RAD51B: variants seen among roughly 807,000 people sequenced by gnomAD.
The protein encoded by RAD51B is RAD51 paralog B.
RAD51B carries 38 observed loss-of-function variants against 42.2 expected under a neutral mutation model. The observed-to-expected ratio is 0.90, with a 90% CI of 0.70 to 1.18. The LOEUF (loss-of-function observed/expected upper bound fraction) is 1.18. RAD51B is among the 50% of genes most tolerant of loss of function. RAD51B has a pLI of 0.00. For synonymous variants in RAD51B, 154 were observed against 145.2 expected, an observed-to-expected ratio of 1.06 and a Z score of -0.43; for missense variants, 373 against 400.7, an observed-to-expected ratio of 0.93 and a Z score of 0.59.
intron 8 of RAD51B, among the ~76,000 whole-genome samples, chr14:68,384,044 CTTT>C (rs2139994756): frequency 6.6e-6 from 1 of 152,328 alleles, no homozygotes; most frequent in South Asian, 2.1e-4. Flanking sequence ...TCACAGGCTT[CTTT>C]GTCAAGATAC....
intron 7 of RAD51B, among the ~76,000 whole-genome samples, chr14:68,107,287 C>A (rs2077391024): frequency 6.6e-6 from 1 of 151,640 alleles, no homozygotes; most frequent in Admixed American, 6.6e-5. Flanking sequence ...ATAAATTGAA[C>A]CCCCAAAAGT....
At chr14:68,173,831 G>T (rs1248518293) in intron 7 of RAD51B, among the ~76,000 whole-genome samples, 3 of 152,142 alleles carry the variant, frequency 2.0e-5, no homozygotes, top group Non-Finnish European at 4.4e-5. Context: ...AAAGTCTTAA[G>T]ATCAGTAAAA....
At chr14:67,988,238 A>G (rs1349859200) in intron 7 of RAD51B, among the ~76,000 whole-genome samples, 1 of 152,108 alleles carries the variant, frequency 6.6e-6, no homozygotes, top group Non-Finnish European at 1.5e-5. Context: ...AGGCGAGCGG[A>G]TCATGAGGTC....
chr14:68,673,908 TAC>T (rs140316753), intron 11 of RAD51B, among the ~76,000 whole-genome samples: 17,881 of 151,012 alleles, frequency 0.12, 1,180 homozygotes, highest in Middle Eastern at 0.19. Flanking sequence ...ACACATACTG[TAC>T]ACACACATAT....
chr14:67,835,168 G>A lies in RAD51B; in HGVS notation c.287G>A (p.Gly96Asp). 3.1e-6 allele frequency: 5 copies of A among 1,613,920 alleles called. No individual in the cohort carries two copies. Among genetic ancestry groups the A allele is most frequent in the East Asian group, 2.2e-5 (1 of 44,872 alleles). The change falls in exon 4 of 11, where the codon GGT becomes GAT. Residue 96 changes from glycine (G) to aspartate (D), a missense_variant. By Grantham distance (94) the Gly-to-Asp change is moderately conservative (BLOSUM62 -1). Coordinates refer to ENST00000471583, the MANE Select transcript of RAD51B (RefSeq NM_133510.4). ...TCTGCTTTGGACGAAGCCCTGCATG[G>A]TGGTGTGGCTTGTGGATCCCTCACA... ...TLSALDEALH[G>D]GVACGSLTEI...
intron 7 of RAD51B, among the ~76,000 whole-genome samples, chr14:68,139,932 G>A (rs1227578836): frequency 8.5e-5 from 13 of 152,132 alleles, no homozygotes; most frequent in Admixed American, 2.6e-4. Flanking sequence ...AACGTTGAAA[G>A]CCAGGTGACC....
intron 8 of RAD51B, among the ~76,000 whole-genome samples, chr14:68,344,966 A>AC (rs1566822619): frequency 6.6e-6 from 1 of 151,484 alleles, no homozygotes; most frequent in Non-Finnish European, 1.5e-5. Context: ...AAAAAAAAAA[A>AC]ACAACATTTA....
chr14:67,826,234 A>G (rs1041023928), intron 3 of RAD51B, among the ~76,000 whole-genome samples: 1 of 152,104 alleles, frequency 6.6e-6, no homozygotes, highest in African/African-American at 2.4e-5. Flanking sequence ...CCTTTCTTTG[A>G]TATACTGACC....
At chr14:68,317,896 T>A (rs8013472) in intron 8 of RAD51B, among the ~76,000 whole-genome samples, 2,757 of 152,332 alleles carry the variant, frequency 0.018, 78 homozygotes, top group African/African-American at 0.059. Context: ...AATGGATTGA[T>A]ACATATATCA....
At chr14:67,840,524 C>T (rs1245219249) in intron 4 of RAD51B, among the ~76,000 whole-genome samples, 2 of 152,144 alleles carry the variant, frequency 1.3e-5, no homozygotes, top group Middle Eastern at 3.2e-3. Flanking sequence ...TCTTTATCTA[C>T]TCTACCATGG....
chr14:68,455,946 G>A (rs555334105), intron 9 of RAD51B, among the ~76,000 whole-genome samples: 1 of 152,300 alleles, frequency 6.6e-6, no homozygotes, highest in Non-Finnish European at 1.5e-5. Context: ...GAAGAGAATA[G>A]AGCTATATTG....
intron 8 of RAD51B, among the ~76,000 whole-genome samples, chr14:68,345,617 C>T (rs907292669): frequency 1.3e-5 from 2 of 152,012 alleles, no homozygotes; most frequent in Non-Finnish European, 1.5e-5. Context: ...GTAGAGCCTG[C>T]AGAGCTGTGA....
intron 7 of RAD51B, among the ~76,000 whole-genome samples, chr14:67,930,851 A>T (rs1214969664): frequency 6.6e-6 from 1 of 150,666 alleles, no homozygotes; most frequent in Non-Finnish European, 1.5e-5. Context: ...CCCATATATC[A>T]TGACGACTTT....
chr14:67,990,695 G>T (rs10140282), intron 7 of RAD51B, among the ~76,000 whole-genome samples: 41,803 of 150,620 alleles, frequency 0.28, 7,492 homozygotes, highest in African/African-American at 0.51. Context: ...TAAACAGTGG[G>T]GCTTTGATTT....
intron 9 of RAD51B, among the ~76,000 whole-genome samples, chr14:68,422,355 G>T (rs1158620052): frequency 6.6e-6 from 1 of 152,090 alleles, no homozygotes; most frequent in Non-Finnish European, 1.5e-5. Context: ...GAGGTCAGGA[G>T]TTTGAGCCCA....
intron 7 of RAD51B, among the ~76,000 whole-genome samples, chr14:68,087,663 ATT>A (rs2077005279): frequency 6.6e-6 from 1 of 151,238 alleles, no homozygotes; most frequent in Admixed American, 6.6e-5. Context: ...TTACAGAGTC[ATT>A]TACTCTCTGT....
At chr14:68,532,863 TA>T (rs1254814121) in intron 10 of RAD51B, among the ~76,000 whole-genome samples, 1 of 152,200 alleles carries the variant, frequency 6.6e-6, no homozygotes, top group Non-Finnish European at 1.5e-5. Context: ...AGAAAAAAAT[TA>T]TTTTCTAGAA....
intron 7 of RAD51B, among the ~76,000 whole-genome samples, chr14:67,906,637 C>A (rs990667356): frequency 6.6e-6 from 1 of 151,908 alleles, no homozygotes; most frequent in East Asian, 1.9e-4. Context: ...TTTATATTTT[C>A]AGGAAATTAT....
rs1237878835 is a variant in RAD51B, at chr14:68,072,094, TA to T, written c.756+184892del. The stretch of plus-strand genomic sequence containing the variant: ...AAATATATAAATATATATAAATATA[TA>T]ATATATAAAATATAAAAAATATATA... On this transcript the variant is annotated intron_variant, in intron 7 of 10. Coordinates refer to ENST00000471583, the MANE Select transcript of RAD51B (RefSeq NM_133510.4). 8.6e-4 allele frequency among the ~76,000 whole-genome samples: 114 copies of T among 133,086 alleles called. 3 individuals carry two copies. The highest frequency in any genetic ancestry group is 2.3e-3 in the African/African-American group (76 of 33,050). 87.3% of individuals were successfully genotyped at this position (133,086 alleles called of 152,430 possible).
Sources: allele counts gnomAD v4.1 joint callset (sites outside exome capture counted in the v4.1 genomes callset), GRCh38; gene constraint gnomAD v4.1.1; transcripts MANE v1.5; gene names NCBI Gene and HGNC (gene_info 2026-07-23, HGNC 2026-07-21).